AGR3: variants seen among roughly 807,000 people sequenced by gnomAD.
AGR3 encodes the protein anterior gradient protein 3.
AGR3 carries 37 observed loss-of-function variants against 24.5 expected under a neutral mutation model. The observed-to-expected ratio is 1.51, with a 90% CI of 1.16 to 1.99. AGR3 has a LOEUF of 1.99. Among genes scored for constraint, AGR3 ranks in the 30% most tolerant of loss-of-function variants. The pLI, the probability that AGR3 is intolerant of heterozygous loss-of-function variation, is 0.00. For missense variants in AGR3, 228 were observed against 191.1 expected (o/e 1.19, Z -1.14); for synonymous variants, 75 against 61.6 (o/e 1.22, Z -1.02).
Position 16,862,724 on chromosome 7 carries a change from A to T in AGR3, c.174-62T>A, listed in dbSNP as rs147056528. 51 of 1,185,008 alleles carry T rather than the reference A, an allele frequency of 4.3e-5. No individual in the cohort carries two copies. In the African/African-American group the frequency reaches 6.6e-4, roughly 15 times the overall value. The allele number at this position is 1,185,008 out of a possible 1,614,324, so 73.4% of individuals were successfully genotyped here. Reference sequence around the variant, plus strand: ...AACTTTGGGTCAAAATATACAGTAGAGTTAGATTTAAAATTTTATTAGCTT... The same window carrying T: ...AACTTTGGGTCAAAATATACAGTAGTGTTAGATTTAAAATTTTATTAGCTT... On this transcript the variant is annotated intron_variant, in intron 3 of 7. Coordinates refer to ENST00000310398, the MANE Select transcript of AGR3 (RefSeq NM_176813.5).
At chr7:16,858,735 G>A (rs1302691548), downstream of AGR3, among the ~76,000 whole-genome samples, 1 of 151,926 alleles carries the variant, frequency 6.6e-6, no homozygotes, top group Non-Finnish European at 1.5e-5. Context: ...GCCAGGTGTG[G>A]TGGTACACAC....
chr7:16,860,890 T>A (rs1042009460), intron 6 of AGR3, among the ~76,000 whole-genome samples: 2 of 152,228 alleles, frequency 1.3e-5, no homozygotes, highest in East Asian at 3.8e-4. Flanking sequence ...TTTATATGTG[T>A]GAACATTCAC....
In AGR3 at chr7:16,865,503, CTT is replaced by C. The variant is rs1382222156; in HGVS notation, c.174-2843_174-2842del. ...CCGAATTTCTTTGGGGAACAAGAAA[CTT>C]TGATTATTTTTACCACTGAGACTGT... On this transcript the variant is annotated intron_variant, in intron 3 of 7. Transcript: ENST00000310398. 3 of 714,458 alleles carry C rather than the reference CTT, an allele frequency of 4.2e-6. No individual in the cohort carries two copies. The African/African-American group carries it at 5.3e-5, about 13-fold the overall frequency. The allele number at this position is 714,458 out of a possible 1,614,324, so 44.3% of individuals were successfully genotyped here. A position where few individuals can be genotyped will look rare whatever the true frequency, so the allele number is the denominator to read the frequency against.
chr7:16,877,553 A>G (rs1782010027), intron 2 of AGR3, among the ~76,000 whole-genome samples: 1 of 151,840 alleles, frequency 6.6e-6, no homozygotes, highest in Non-Finnish European at 1.5e-5. Context: ...ACTTAGAGAT[A>G]TAGAAACTAA....
chr7:16,870,178 C>A (rs1156616442), intron 3 of AGR3, among the ~76,000 whole-genome samples: 1 of 151,698 alleles, frequency 6.6e-6, no homozygotes, highest in African/African-American at 2.4e-5. Context: ...TCTTTTTTGT[C>A]ATTGTAAATG....
intron 2 of AGR3, among the ~76,000 whole-genome samples, chr7:16,875,196 A>G (rs58383391): frequency 0.018 from 2,761 of 152,122 alleles, 73 homozygotes; most frequent in East Asian, 0.072. Context: ...CATCACATCA[A>G]TTTTAGAACA....
At chr7:16,864,426 A>T in intron 3 of AGR3, 1 of 1,284,752 alleles carries the variant, frequency 7.8e-7, no homozygotes, top group Non-Finnish European at 1.1e-6. Context: ...GTTCACCCAG[A>T]GATTCCTCTG....
At chr7:16,881,408 T>G (rs1295621038) in intron 1 of AGR3, among the ~76,000 whole-genome samples, 4 of 152,186 alleles carry the variant, frequency 2.6e-5, no homozygotes, top group Non-Finnish European at 5.9e-5. Context: ...TGGTAAAATA[T>G]AGTGTAAACT....
In AGR3 at chr7:16,862,681, G is replaced by C; in HGVS notation, c.174-19C>G. 1 of 1,518,760 alleles carries C rather than the reference G, an allele frequency of 6.6e-7. No homozygotes were observed. Among genetic ancestry groups the C allele is most frequent in the South Asian group, 1.3e-5 (1 of 77,782 alleles). 94.1% of individuals were successfully genotyped at this position (1,518,760 alleles called of 1,614,324 possible). On this transcript the variant is annotated intron_variant, in intron 3 of 7. Coordinates refer to ENST00000310398, the MANE Select transcript of AGR3 (RefSeq NM_176813.5). Reference sequence around the variant, plus strand: ...CTTCTTACTAAACAAAGAAAGTATGGAATTAAGTCAAATGATTAACTTTGG... The same window carrying C: ...CTTCTTACTAAACAAAGAAAGTATGCAATTAAGTCAAATGATTAACTTTGG...
intron 6 of AGR3, 31 bp from the exon 7 acceptor site, chr7:16,860,614 A>G: frequency 1.4e-6 from 2 of 1,447,480 alleles, no homozygotes; most frequent in Non-Finnish European, 9.7e-7. Context: ...TCACGAAAGT[A>G]TAATTTAGCA....
rs1709434321 is a variant in AGR3 at position 16,864,171 on chromosome 7, A to G, written c.174-1509T>C. ...CGGAGAATTAACAAACTGTTGTGTA[A>G]TTCATCAGAGAAGTATATTAACTCT... On this transcript the variant is annotated intron_variant, in intron 3 of 7. Transcript: ENST00000310398. 3 of 715,076 alleles carry G rather than the reference A, an allele frequency of 4.2e-6. No individual in the cohort carries two copies. The Admixed American group carries it at 8.2e-5, about 19-fold the overall frequency. 44.3% of individuals were successfully genotyped at this position (715,076 alleles called of 1,614,324 possible). A position where few individuals can be genotyped will look rare whatever the true frequency, so the allele number is the denominator to read the frequency against.
intron 2 of AGR3, 61 bp from the exon 3 acceptor site, chr7:16,873,904 G>A: frequency 8.1e-7 from 1 of 1,232,936 alleles, no homozygotes; most frequent in Non-Finnish European, 1.2e-6. Context: ...TCGGAAATGG[G>A]TATCTAATAA....
intron 2 of AGR3, among the ~76,000 whole-genome samples, chr7:16,876,115 A>G (rs2115315685): frequency 6.6e-6 from 1 of 152,292 alleles, no homozygotes; most frequent in Admixed American, 6.5e-5. Context: ...GAGCAATATA[A>G]TCCCTATTCT....
At chr7:16,861,244 C>G in intron 6 of AGR3, 140 bp downstream of exon 6, 1 of 592,020 alleles carries the variant, frequency 1.7e-6, no homozygotes. Context: ...GATTGTAGAA[C>G]TAACAAGAGC....
At chr7:16,869,223 A>G (rs1019499263) in intron 3 of AGR3, among the ~76,000 whole-genome samples, 4 of 152,098 alleles carry the variant, frequency 2.6e-5, no homozygotes, top group Admixed American at 2.6e-4. Flanking sequence ...AGGTACTGTG[A>G]TGTTGGATGA....
At chr7:16,864,961 T>C in intron 3 of AGR3, 1 of 986,222 alleles carries the variant, frequency 1.0e-6, no homozygotes. Context: ...AAGATATAAA[T>C]TAAATAAGTC....
At chr7:16,861,890 G>C in intron 5 of AGR3, 94 bp downstream of exon 5, 1 of 1,096,724 alleles carries the variant, frequency 9.1e-7, no homozygotes, top group South Asian at 1.5e-5. Context: ...GACAGAGCGA[G>C]ACTCTGTCTA....
intron 3 of AGR3, among the ~76,000 whole-genome samples, chr7:16,871,624 C>T (rs1049915351): frequency 6.6e-6 from 1 of 152,172 alleles, no homozygotes; most frequent in African/African-American, 2.4e-5. Flanking sequence ...GGACGTATCA[C>T]CTGAGATCAA....
At chr7:16,869,947 C>T (rs11979839) in intron 3 of AGR3, among the ~76,000 whole-genome samples, 23,373 of 151,568 alleles carry the variant, frequency 0.15, 2,500 homozygotes, top group East Asian at 0.36. Flanking sequence ...TTCATTTCAA[C>T]TTTAGAATTA....
Sources: gnomAD v4.1 joint callset for allele counts (sites outside exome capture counted in the v4.1 genomes callset) on GRCh38, gnomAD v4.1.1 for gene constraint, MANE v1.5 for transcripts, NCBI Gene and HGNC (gene_info 2026-07-23, HGNC 2026-07-21) for gene names.